KCTD8: variants seen among roughly 807,000 people sequenced by gnomAD.
KCTD8 encodes BTB/POZ domain-containing protein KCTD8.
Under a neutral mutation model 31.5 loss-of-function variants are expected in KCTD8, and 27 were observed. The observed-to-expected ratio is 0.86, with a 90% CI of 0.63 to 1.18. The LOEUF (loss-of-function observed/expected upper bound fraction) is 1.18, where lower values mean the gene tolerates loss of function less well. Among genes scored for constraint, KCTD8 ranks in the 50% most tolerant of loss-of-function variants. The pLI, the probability that KCTD8 is intolerant of heterozygous loss-of-function variation, is 0.00. For missense variants in KCTD8, 658 were observed against 647.7 expected (o/e 1.02, Z -0.17); for synonymous variants, 290 against 280.0 (o/e 1.04, Z -0.36).
chr4:44,275,767 G>C (rs938518509), intron 1 of KCTD8, among the ~76,000 whole-genome samples: 3 of 151,942 alleles, frequency 2.0e-5, no homozygotes, highest in Non-Finnish European at 4.4e-5. Flanking sequence ...CCATGTGAGG[G>C]GCAATATTCA....
chr4:44,278,219 A>G (rs1948314), intron 1 of KCTD8, among the ~76,000 whole-genome samples: 40,580 of 151,884 alleles, frequency 0.27, 5,811 homozygotes, highest in East Asian at 0.39. Flanking sequence ...AAAGAAATCC[A>G]AATATATAGT....
At chr4:44,414,105 G>A (rs1403052389) in intron 1 of KCTD8, among the ~76,000 whole-genome samples, 1 of 151,972 alleles carries the variant, frequency 6.6e-6, no homozygotes, top group Non-Finnish European at 1.5e-5. Context: ...AGGACTATAG[G>A]AGAATAAACT....
chr4:44,276,562 C>A (rs1322168751), intron 1 of KCTD8, among the ~76,000 whole-genome samples: 3 of 151,706 alleles, frequency 2.0e-5, no homozygotes, highest in Non-Finnish European at 4.4e-5. Flanking sequence ...AATAATGGCA[C>A]AATAATTATG....
At chr4:44,321,330 T>G (rs948749610) in intron 1 of KCTD8, among the ~76,000 whole-genome samples, 1 of 152,210 alleles carries the variant, frequency 6.6e-6, no homozygotes, top group Non-Finnish European at 1.5e-5. Flanking sequence ...GAATTTGCCA[T>G]GTTCCTCAAC....
At chr4:44,415,638 A>G (rs966549491) in intron 1 of KCTD8, among the ~76,000 whole-genome samples, 1 of 152,134 alleles carries the variant, frequency 6.6e-6, no homozygotes, top group African/African-American at 2.4e-5. Context: ...CTAAAAGGAC[A>G]TCAAGGTACA....
intron 1 of KCTD8, among the ~76,000 whole-genome samples, chr4:44,270,564 T>C (rs12640784): frequency 0.54 from 81,797 of 151,588 alleles, 22,803 homozygotes; most frequent in African/African-American, 0.69. Context: ...AAAAAGAAGG[T>C]GACCTTAGGC....
intron 1 of KCTD8, among the ~76,000 whole-genome samples, chr4:44,297,041 C>T (rs1717455554): frequency 6.6e-6 from 1 of 152,050 alleles, no homozygotes; most frequent in African/African-American, 2.4e-5. Flanking sequence ...AAGCAGAGTA[C>T]TTTCACATCT....
Position 44,238,607 on chromosome 4 carries a change from C to T in KCTD8, c.962-63357G>A, listed in dbSNP as rs2130643. Among the ~76,000 whole-genome samples, 3 of 152,004 alleles carry T rather than the reference C, an allele frequency of 2.0e-5. No individual in the cohort carries two copies. The East Asian group carries it at 5.8e-4, about 30-fold the overall frequency. On this transcript the variant is annotated intron_variant, in intron 1 of 1. Transcript: ENST00000360029. ...AAAATACTGACTAAATAGATTTTAT[C>T]GGTCTTAGGATACAGAATTTTAGTG...
intron 1 of KCTD8, among the ~76,000 whole-genome samples, chr4:44,244,773 G>T (rs1715602896): frequency 6.7e-6 from 1 of 148,838 alleles, no homozygotes; most frequent in African/African-American, 2.5e-5. Flanking sequence ...TCCTTGCTTG[G>T]TTTCCTCACC....
chr4:44,260,261 G>A (rs1716122025), intron 1 of KCTD8, among the ~76,000 whole-genome samples: 1 of 151,778 alleles, frequency 6.6e-6, no homozygotes, highest in African/African-American at 2.4e-5. Flanking sequence ...GGATAGGAAA[G>A]GAGGAGGAAT....
chr4:44,218,737 C>T (rs1274222177), intron 1 of KCTD8, among the ~76,000 whole-genome samples: 1 of 151,964 alleles, frequency 6.6e-6, no homozygotes, highest in Non-Finnish European at 1.5e-5. Context: ...AAGCCCTATA[C>T]TCTTACTATT....
intron 1 of KCTD8, among the ~76,000 whole-genome samples, chr4:44,244,606 C>G (rs776609607): frequency 6.6e-6 from 1 of 152,180 alleles, no homozygotes; most frequent in Non-Finnish European, 1.5e-5. Flanking sequence ...ATATCCTCCT[C>G]TCCCAATGAT....
At chr4:44,348,713 C>A (rs373044987) in intron 1 of KCTD8, among the ~76,000 whole-genome samples, 2 of 152,268 alleles carry the variant, frequency 1.3e-5, no homozygotes, top group South Asian at 4.1e-4. Flanking sequence ...CCTTTTCAGT[C>A]CTTGTTGCTT....
chr4:44,215,891 G>A (rs942427452), intron 1 of KCTD8, among the ~76,000 whole-genome samples: 3 of 151,936 alleles, frequency 2.0e-5, no homozygotes, highest in Non-Finnish European at 4.4e-5. Flanking sequence ...GGTACCCTGT[G>A]TGATGTCACA....
In KCTD8 at chr4:44,210,278, A is replaced by G. The variant is rs180691512; in HGVS notation, c.962-35028T>C. ...GATTATTACAGTAATCAGCTTTCCCAATTATCTAATTCTATCTTGTATTTC... is the reference window on the plus strand; with the variant it reads ...GATTATTACAGTAATCAGCTTTCCCGATTATCTAATTCTATCTTGTATTTC... On this transcript the variant is annotated intron_variant, in intron 1 of 1. Coordinates refer to ENST00000360029, the MANE Select transcript of KCTD8 (RefSeq NM_198353.3). Among the ~76,000 whole-genome samples, 377 of 152,312 alleles carry G rather than the reference A, an allele frequency of 2.5e-3. 1 individual carries two copies. The highest frequency in any genetic ancestry group is 8.3e-3 in the African/African-American group (346 of 41,582).
chr4:44,433,476 G>A (rs1721562591), intron 1 of KCTD8, among the ~76,000 whole-genome samples: 1 of 151,678 alleles, frequency 6.6e-6, no homozygotes. Context: ...TTCAAGGAAG[G>A]TTTTATGGAG....
At chr4:44,225,784 C>CACCTATCA (rs1467167848) in intron 1 of KCTD8, among the ~76,000 whole-genome samples, 6 of 149,484 alleles carry the variant, frequency 4.0e-5, no homozygotes, top group African/African-American at 1.5e-4. Flanking sequence ...TGGTTTGCTG[C>CACCTATCA]ACCTATCAAC....
chr4:44,287,559 A>T (rs1314747184), intron 1 of KCTD8, among the ~76,000 whole-genome samples: 1 of 152,186 alleles, frequency 6.6e-6, no homozygotes, highest in African/African-American at 2.4e-5. Context: ...TTTTAAACCT[A>T]TCTAATAATT....
intron 1 of KCTD8, among the ~76,000 whole-genome samples, chr4:44,383,423 G>C (rs577357879): frequency 6.6e-6 from 1 of 152,008 alleles, no homozygotes; most frequent in South Asian, 2.1e-4. Flanking sequence ...ATATACTACA[G>C]ACCTTTAGGA....
Sources: gnomAD v4.1 joint callset for allele counts (sites outside exome capture counted in the v4.1 genomes callset) on GRCh38, gnomAD v4.1.1 for gene constraint, MANE v1.5 for transcripts, NCBI Gene and HGNC (gene_info 2026-07-23, HGNC 2026-07-21) for gene names.